Variants in LGALS2 observed in about 807,000 individuals in gnomAD.
LGALS2 encodes galectin-2.
LGALS2 carries 7 observed loss-of-function variants against 10.1 expected under a neutral mutation model. The observed-to-expected ratio is 0.70, with a 90% CI of 0.40 to 1.31. The LOEUF is 1.31. LGALS2 is among the 50% of genes most tolerant of loss of function. The probability of loss-of-function intolerance (pLI) is 0.01; values close to 1 mark genes in which losing one functional copy is unlikely to be tolerated. For missense variants in LGALS2, 167 were observed against 163.6 expected (o/e 1.02, Z -0.11); for synonymous variants, 86 against 64.2 (o/e 1.34, Z -1.63).
At chr22:37,574,635 G>T (rs1925613524) in intron 1 of LGALS2, among the ~76,000 whole-genome samples, 1 of 152,026 alleles carries the variant, frequency 6.6e-6, no homozygotes, top group South Asian at 2.1e-4. Context: ...CTTTTACATT[G>T]TGGGAGTTCT....
intron 1 of LGALS2, among the ~76,000 whole-genome samples, chr22:37,574,302 G>A (rs866365389): frequency 1.6e-4 from 24 of 151,948 alleles, no homozygotes; most frequent in Non-Finnish European, 2.6e-4. Context: ...GATCACCTGA[G>A]GTCAGGAGTT....
intron 2 of LGALS2, 36 bp downstream of exon 2, chr22:37,571,813 G>A (rs769516833): frequency 1.9e-6 from 3 of 1,568,908 alleles, no homozygotes; most frequent in East Asian, 4.5e-5. Context: ...CCTATTCCGG[G>A]CCTGCAGACT....
In LGALS2 at chr22:37,570,724, T is replaced by C. The variant is rs762458987; in HGVS notation, c.101A>G (p.Asn34Ser). The C allele has an allele frequency of 6.2e-7, 1 of 1,614,204 alleles. No individual in the cohort carries two copies. Among genetic ancestry groups the C allele is most frequent in the Non-Finnish European group, 8.5e-7 (1 of 1,180,036 alleles). The change falls in exon 3 of 4, where the codon AAT becomes AGT. Residue 34 changes from asparagine to serine, a missense_variant. Coordinates refer to ENST00000215886, the MANE Select transcript of LGALS2 (RefSeq NM_006498.3). ...CAGCTTGTCTGTCCCCTGGCCCAGA[T>C]TAATTACAAAGCTGCAGGAGAAGGG... is the stretch of plus-strand genomic sequence containing the variant. ...IADGTDGFVI[N>S]LGQGTDKLNL...
chr22:37,570,680 G>C lies in LGALS2; in HGVS notation c.145C>G (p.Arg49Gly), dbSNP rs758484681. The change falls in exon 3 of 4, where the codon CGC (arginine) becomes GGC (glycine). Residue 49 changes from arginine (R) to glycine (G), a missense_variant. Physicochemically the swap from Arg to Gly is moderately radical, Grantham distance 125. Transcript: ENST00000215886. The stretch of plus-strand genomic sequence containing the variant: ...CAGACAATGGTGGATTCGCTGAAGC[G>C]AGGGTTGAAATGCAGGTTCAGCTTG... ...TDKLNLHFNP[R>G]FSESTIVCNS... The C allele has an allele frequency of 1.2e-6, 2 of 1,614,262 alleles. No homozygotes were observed. The highest frequency in any genetic ancestry group is 1.1e-5 in the South Asian group (1 of 91,086).
At chr22:37,573,002 A>G (rs911737016) in intron 1 of LGALS2, among the ~76,000 whole-genome samples, 28 of 150,408 alleles carry the variant, frequency 1.9e-4, no homozygotes, top group African/African-American at 6.9e-4. Flanking sequence ...GGCCGGGCAC[A>G]GTGGCTCACA....
At position 37,571,899 on chromosome 22, in the gene LGALS2, C is replaced by T. The variant is rs751715864; in HGVS notation, c.39G>A (p.Lys13=). The T allele has an allele frequency of 6.2e-7, 1 of 1,614,178 alleles. No homozygotes were observed. The highest frequency in any genetic ancestry group is 8.5e-7 in the Non-Finnish European group (1 of 1,180,008). ...GELEVKNMDM[K]PGSTLKITGS... is the part of the protein sequence containing the mutation. ...CTGTGATCTTCAGGGTTGACCCCGG[C>T]TTCATGTCCATGTTCTTAACCTCAA... Residue 13 remains lysine, a synonymous_variant, in exon 2 of 4, where the codon AAG becomes AAA. Transcript: ENST00000215886.
At chr22:37,571,083 G>T (rs746607460) in intron 2 of LGALS2, among the ~76,000 whole-genome samples, 1 of 152,142 alleles carries the variant, frequency 6.6e-6, no homozygotes, top group Non-Finnish European at 1.5e-5. Context: ...CTGTCACTAT[G>T]GGTGTGCAAC....
At chr22:37,579,835 C>T in intron 1 of LGALS2, 65 bp downstream of exon 1, 2 of 1,553,296 alleles carry the variant, frequency 1.3e-6, no homozygotes, top group Non-Finnish European at 1.8e-6. Flanking sequence ...TCCCTAAAAG[C>T]CCCCACCCAG....
chr22:37,572,002 A>T, intron 1 of LGALS2, 71 bp from the exon 2 acceptor site: 1 of 1,284,606 alleles, frequency 7.8e-7, no homozygotes, highest in Non-Finnish European at 1.1e-6. Context: ...CAGCAGCTTC[A>T]TCCACCTCAT....
At chr22:37,578,007 G>A (rs776463469) in intron 1 of LGALS2, among the ~76,000 whole-genome samples, 21 of 152,252 alleles carry the variant, frequency 1.4e-4, no homozygotes, top group African/African-American at 1.9e-4. Flanking sequence ...AACGTCTATC[G>A]TGTGAAGCCA....
chr22:37,570,807 T>C, intron 2 of LGALS2, 72 bp from the exon 3 acceptor site: 1 of 1,540,706 alleles, frequency 6.5e-7, no homozygotes, highest in South Asian at 1.1e-5. Context: ...TGGAGGACCT[T>C]GGTTGACCAC....
rs139756044 is a variant in LGALS2, at chr22:37,575,952, C to A, written c.6+3948G>T. Among the ~76,000 whole-genome samples the A allele has an allele frequency of 1.6e-3, 248 of 152,288 alleles. 1 individual carries two copies. The highest frequency in any genetic ancestry group is 5.5e-3 in the African/African-American group (229 of 41,558). The stretch of plus-strand genomic sequence containing the variant: ...GTAGGATGTTGAGCAGTATTCCTGG[C>A]CTCTACCCACTGGATGTCAGTGACA... On this transcript the variant is annotated intron_variant, in intron 1 of 3. Transcript: ENST00000215886.
chr22:37,573,919 G>A (rs1394736651), intron 1 of LGALS2, among the ~76,000 whole-genome samples: 1 of 151,910 alleles, frequency 6.6e-6, no homozygotes, highest in African/African-American at 2.4e-5. Context: ...TAGAGACAAG[G>A]TTTCACCATG....
Position 37,571,727 on chromosome 22 carries a change from A to T in LGALS2, c.89+122T>A, listed in dbSNP as rs369489245. On this transcript the variant is annotated intron_variant, in intron 2 of 3. Transcript: ENST00000215886. ...GCAGGGGTGTGGGGAGAAGGGTGTGAAAAAGGGCCCATTGGCCTGACGTCC... is the reference window on the plus strand; with the variant it reads ...GCAGGGGTGTGGGGAGAAGGGTGTGTAAAAGGGCCCATTGGCCTGACGTCC... 3 of 753,514 alleles carry T rather than the reference A, an allele frequency of 4.0e-6. No homozygotes were observed. In the South Asian group the frequency reaches 4.7e-5, roughly 12 times the overall value. 46.7% of individuals were successfully genotyped at this position (753,514 alleles called of 1,614,324 possible). A position where few individuals can be genotyped will look rare whatever the true frequency, so the allele number is the denominator to read the frequency against.
intron 1 of LGALS2, among the ~76,000 whole-genome samples, chr22:37,574,215 T>C (rs1484223880): frequency 2.6e-5 from 4 of 152,110 alleles, no homozygotes; most frequent in African/African-American, 9.7e-5. Context: ...AAGCTGGGTT[T>C]TCAAAGCTCA....
At position 37,577,111 on chromosome 22, in the gene LGALS2, A is replaced by G. The variant is rs1461257327; in HGVS notation, c.6+2789T>C. On this transcript the variant is annotated intron_variant, in intron 1 of 3. Transcript: ENST00000215886. ...GGTTCCCTTATCTGTCGTATAAGGGATTTGGATGATATGGCCTCTGGAGCT... is the reference window on the plus strand; with the variant it reads ...GGTTCCCTTATCTGTCGTATAAGGGGTTTGGATGATATGGCCTCTGGAGCT... Among the ~76,000 whole-genome samples, 7 of 152,104 alleles carry G rather than the reference A, an allele frequency of 4.6e-5. No homozygotes were observed. The East Asian group carries it at 1.4e-3, about 29-fold the overall frequency.
Position 37,570,295 on chromosome 22 carries a change from A to G in LGALS2, c.367T>C (p.Phe123Leu). 2 of 1,611,692 alleles carry G rather than the reference A, an allele frequency of 1.2e-6. No individual in the cohort carries two copies. Among genetic ancestry groups the G allele is most frequent in the African/African-American group, 2.7e-5 (2 of 74,934 alleles). Residue 123 changes from phenylalanine to leucine, a missense_variant, in exon 4 of 4, where the codon TTC becomes CTC. Coordinates refer to ENST00000215886, the MANE Select transcript of LGALS2 (RefSeq NM_006498.3). ...HLSYLSVRGG[F>L]NMSSFKLKE ...TTTAACTTGAAAGAGGACATGTTGA[A>G]CCCGCCCCTTACGCTCAGGTAGCTC... is the stretch of plus-strand genomic sequence containing the variant.
intron 1 of LGALS2, among the ~76,000 whole-genome samples, 170 bp from the exon 2 acceptor site, chr22:37,572,101 G>T (rs1024037678): frequency 1.3e-5 from 2 of 152,208 alleles, no homozygotes; most frequent in African/African-American, 4.8e-5. Flanking sequence ...AGAGCGCTCT[G>T]ATCAAGGCCT....
chr22:37,572,781 T>TAATAATA (rs386395365), intron 1 of LGALS2, among the ~76,000 whole-genome samples: 1 of 138,562 alleles, frequency 7.2e-6, no homozygotes, highest in African/African-American at 2.8e-5. Flanking sequence ...ATAATAATAA[T>TAATAATA]AATAATAATA....
Sources: gnomAD v4.1 joint callset for allele counts (sites outside exome capture counted in the v4.1 genomes callset) on GRCh38, gnomAD v4.1.1 for gene constraint, MANE v1.5 for transcripts, NCBI Gene and HGNC (gene_info 2026-07-23, HGNC 2026-07-21) for gene names.